The following MRPL4 variants were observed in gnomAD, a reference collection of about 807,000 sequenced individuals.
The protein encoded by MRPL4 is large ribosomal subunit protein uL4m.
In MRPL4, 34 loss-of-function variants were observed where a neutral mutation model predicts 34.1. The ratio of observed to expected loss-of-function variants is 1.00; its 90% CI spans 0.76 to 1.33. The LOEUF (loss-of-function observed/expected upper bound fraction) is 1.33, where lower values mean the gene tolerates loss of function less well. Among genes scored for constraint, MRPL4 ranks in the 40% most tolerant of loss-of-function variants. The pLI is 0.00. For synonymous variants in MRPL4, 196 were observed against 188.3 expected (o/e 1.04, Z -0.33); for missense variants, 402 against 434.6 (o/e 0.92, Z 0.67).
chr19:10,259,693 G>A lies in MRPL4; in HGVS notation c.816G>A (p.Lys272=), dbSNP rs74457164. The change falls in exon 9 of 9, where the codon AAG becomes AAA. Residue 272 remains lysine (K), a synonymous_variant. Transcript: ENST00000253099. The stretch of plus-strand genomic sequence containing the variant: ...CCACCGTCGCCTTCCTGGAGGACAA[G>A]CTGCTCTGGCAGGACTCACGTTACA... ...TLPTVAFLED[K]LLWQDSRYRP... The A allele has an allele frequency of 5.2e-3, 8,327 of 1,611,134 alleles. 183 individuals are homozygous for A. In the East Asian group the frequency reaches 0.063, roughly 12 times the overall value.
chr19:10,259,888 G>A lies in MRPL4; in HGVS notation c.*75G>A. ...CCTCAGGCCCACGCCCACCCTTCGAGGAAGGTGTCACCTGGACCCCTTCAT... is the reference window on the plus strand; with the variant it reads ...CCTCAGGCCCACGCCCACCCTTCGAAGAAGGTGTCACCTGGACCCCTTCAT... On this transcript the variant is annotated 3_prime_UTR_variant, in exon 9 of 9. Transcript: ENST00000253099. 1 of 1,354,032 alleles carries A rather than the reference G, an allele frequency of 7.4e-7. No individual in the cohort carries two copies. 83.9% of individuals were successfully genotyped at this position (1,354,032 alleles called of 1,614,324 possible).
At chr19:10,253,470 C>A (rs1410726128) in intron 3 of MRPL4, among the ~76,000 whole-genome samples, 124 of 102,932 alleles carry the variant, frequency 1.2e-3, no homozygotes, top group South Asian at 2.1e-3. Context: ...CACTCTGTCT[C>A]AAAAAAAAAA....
intron 4 of MRPL4, among the ~76,000 whole-genome samples, chr19:10,256,474 T>G (rs2039852458): frequency 1.3e-5 from 2 of 151,702 alleles, no homozygotes; most frequent in South Asian, 4.2e-4. Context: ...GTTCAGAAAA[T>G]ACCGAGCACC....
chr19:10,256,302 CGG>C (rs2039850828), intron 4 of MRPL4, among the ~76,000 whole-genome samples: 1 of 151,802 alleles, frequency 6.6e-6, no homozygotes, highest in Non-Finnish European at 1.5e-5. Flanking sequence ...AAAAATTAGC[CGG>C]GCATGGTGAC....
intron 4 of MRPL4, 158 bp downstream of exon 4, chr19:10,254,798 C>CT (rs1216190371): frequency 1.1e-4 from 71 of 626,158 alleles, no homozygotes; most frequent in East Asian, 4.7e-4. Flanking sequence ...TTTTGGTTCT[C>CT]TTTTTTTTGT....
chr19:10,256,866 G>GGGGGGCC, intron 5 of MRPL4, 41 bp downstream of exon 5: 7 of 378,370 alleles, frequency 1.9e-5, no homozygotes, highest in East Asian at 6.2e-5. Context: ...GGGTGGGGGG[G>GGGGGGCC]CCAGGGAAGG....
In MRPL4 at chr19:10,259,293, C is replaced by T. The variant is rs535401310; in HGVS notation, c.740-324C>T. 42 of 1,379,434 alleles carry T rather than the reference C, an allele frequency of 3.0e-5. No individual in the cohort carries two copies. The Admixed American group carries it at 4.2e-4, about 14-fold the overall frequency. 85.4% of individuals were successfully genotyped at this position (1,379,434 alleles called of 1,614,324 possible). ...TCAGGGTGGCACGTCAGGCCCTGCA[C>T]GATGTGCCCCGTCACCTCCCTGCCC... On this transcript the variant is annotated intron_variant, in intron 8 of 8. Coordinates refer to ENST00000253099, the MANE Select transcript of MRPL4 (RefSeq NM_015956.3).
chr19:10,252,829 T>G, intron 3 of MRPL4, 128 bp downstream of exon 3: 1 of 1,287,872 alleles, frequency 7.8e-7, no homozygotes, highest in South Asian at 1.4e-5. Flanking sequence ...TTTCTCCACC[T>G]GTCAAAGGGG....
At chr19:10,252,351 T>G in intron 1 of MRPL4, 41 bp downstream of exon 1, 2 of 1,613,428 alleles carry the variant, frequency 1.2e-6, no homozygotes, top group Admixed American at 3.3e-5. Context: ...GGATGAAATT[T>G]GGGGGTGTCC....
At chr19:10,252,127 T>C (rs2145463391), upstream of MRPL4, 3 of 1,238,608 alleles carry the variant, frequency 2.4e-6, no homozygotes, top group Non-Finnish European at 3.3e-6. Flanking sequence ...TCTTCGGTTT[T>C]GCACACCCCG....
chr19:10,254,486 C>A (rs2039829905), intron 3 of MRPL4, 103 bp from the exon 4 acceptor site: 5 of 1,399,528 alleles, frequency 3.6e-6, no homozygotes, highest in Non-Finnish European at 5.0e-6. Flanking sequence ...AGGCAAATCG[C>A]CCAGGGCCCT....
At chr19:10,259,255 A>G in intron 8 of MRPL4, 1 of 1,335,020 alleles carries the variant, frequency 7.5e-7, no homozygotes, top group Admixed American at 3.7e-5. Context: ...TCTCAGGATG[A>G]AAGCCCAAGT....
rs752614865 is a variant in MRPL4, at chr19:10,252,232, C to A, written c.-22C>A. 1.3e-6 allele frequency: 2 copies of A among 1,588,002 alleles called. No individual in the cohort carries two copies. Among genetic ancestry groups the A allele is most frequent in the Non-Finnish European group, 1.7e-6 (2 of 1,170,066 alleles). ...AGGCTCCAGTGGCCTTGACCTCCCGCGGCGTGGGAGGCTGCGCGGCGATGC... is the reference window on the plus strand; with the variant it reads ...AGGCTCCAGTGGCCTTGACCTCCCGAGGCGTGGGAGGCTGCGCGGCGATGC... On this transcript the variant is annotated 5_prime_UTR_variant, in exon 1 of 9. Transcript: ENST00000253099.
rs764292040 is a variant in MRPL4 at position 10,252,701 on chromosome 19, G to C, written c.275G>C (p.Arg92Thr). The C allele has an allele frequency of 1.2e-6, 2 of 1,600,934 alleles. No individual in the cohort carries two copies. Among genetic ancestry groups the C allele is most frequent in the Non-Finnish European group, 1.7e-6 (2 of 1,179,398 alleles). The change falls in exon 3 of 9, where the codon AGG (arginine) becomes ACG (threonine). Residue 92 changes from arginine to threonine, a missense_variant and splice_region_variant. By Grantham distance (71) the Arg-to-Thr change is moderately conservative (BLOSUM62 -1). Coordinates refer to ENST00000253099, the MANE Select transcript of MRPL4 (RefSeq NM_015956.3). ...CCCGATGTTTTCGCCACCGCGCCCA[G>C]GTGAGCGAGGGCTGTAATGGTGAAC... ...LHPDVFATAP[R>T]LDILHQVAMW...
rs921750488 is a variant in MRPL4, at chr19:10,258,241, C to G, written c.465C>G (p.Pro155=). ...LWRGGGVAHG[P]RGPTSYYYML... ...CCGCAGGAGGTGTTGCCCATGGCCCCCGGGGCCCCACAAGTTACTACTACA... is the reference window on the plus strand; with the variant it reads ...CCGCAGGAGGTGTTGCCCATGGCCCGCGGGGCCCCACAAGTTACTACTACA... The change falls in exon 6 of 9, where the codon CCC becomes CCG. Residue 155 remains proline (P), a synonymous_variant. Coordinates refer to ENST00000253099, the MANE Select transcript of MRPL4 (RefSeq NM_015956.3). The G allele has an allele frequency of 1.9e-6, 3 of 1,613,952 alleles. No homozygotes were observed. Among genetic ancestry groups the G allele is most frequent in the Non-Finnish European group, 2.5e-6 (3 of 1,180,006 alleles).
In MRPL4 at chr19:10,259,805, C is replaced by T. The variant is rs776087861; in HGVS notation, c.928C>T (p.His310Tyr). Residue 310 changes from histidine to tyrosine, a missense_variant, in exon 9 of 9, where the codon CAC becomes TAC. Coordinates refer to ENST00000253099, the MANE Select transcript of MRPL4 (RefSeq NM_015956.3). ...ATQGPAATPY[H>Y]C The stretch of plus-strand genomic sequence containing the variant: ...CCAGGGCCCAGCGGCCACCCCGTAC[C>T]ACTGTTGATGTGAAGCACCTCTTCT... 3 of 1,609,358 alleles carry T rather than the reference C, an allele frequency of 1.9e-6. No individual in the cohort carries two copies. Among genetic ancestry groups the T allele is most frequent in the East Asian group, 2.2e-5 (1 of 44,658 alleles).
intron 3 of MRPL4, 199 bp downstream of exon 3, chr19:10,252,900 A>G (rs1163509474): frequency 1.3e-6 from 1 of 782,940 alleles, no homozygotes; most frequent in Non-Finnish European, 2.0e-6. Context: ...AGGTGACATC[A>G]TCTAAGGGTT....
chr19:10,258,106 G>A, intron 5 of MRPL4, 116 bp from the exon 6 acceptor site: 1 of 701,124 alleles, frequency 1.4e-6, no homozygotes, highest in Non-Finnish European at 2.4e-6. Flanking sequence ...CACCCTCTCT[G>A]CCTTGTTCCT....
At position 10,256,053 on chromosome 19, in the gene MRPL4, C is replaced by T. The variant is rs145903811; in HGVS notation, c.328-655C>T. Among the ~76,000 whole-genome samples the T allele has an allele frequency of 6.5e-3, 992 of 152,066 alleles. 8 individuals carry two copies. Among genetic ancestry groups the T allele is most frequent in the African/African-American group, 0.023 (942 of 41,474 alleles). On this transcript the variant is annotated intron_variant, in intron 4 of 8. Transcript: ENST00000253099. ...CTGTAATCCCAGTACTTTGGGAGGC[C>T]GAGGCGGATGGATCACGAGGTCGGG...
Sources: allele counts gnomAD v4.1 joint callset (sites outside exome capture counted in the v4.1 genomes callset), GRCh38; gene constraint gnomAD v4.1.1; transcripts MANE v1.5; gene names NCBI Gene and HGNC (gene_info 2026-07-23, HGNC 2026-07-21).